Variants in SOAT1 observed in about 807,000 individuals in gnomAD.
SOAT1 encodes sterol O-acyltransferase 1.
In SOAT1, 55 loss-of-function variants were observed where a neutral mutation model predicts 69.5. The observed-to-expected ratio is 0.79, with a 90% CI of 0.64 to 0.99. The LOEUF is 0.99. Among genes scored for constraint, SOAT1 ranks in the 50% least tolerant of loss-of-function variants. The pLI, the probability that SOAT1 is intolerant of heterozygous loss-of-function variation, is 0.00. For synonymous variants in SOAT1, 231 were observed against 224.7 expected (o/e 1.03, Z -0.25); for missense variants, 580 against 669.3 (o/e 0.87, Z 1.47).
chr1:179,339,539 A>G lies in SOAT1; in HGVS notation c.491A>G (p.Glu164Gly). 6.3e-7 allele frequency: 1 copy of G among 1,597,226 alleles called. No individual in the cohort carries two copies. Among genetic ancestry groups the G allele is most frequent in the Non-Finnish European group, 8.5e-7 (1 of 1,169,952 alleles). Residue 164 changes from glutamate (E) to glycine (G), a missense_variant, in exon 6 of 16, where the codon GAA becomes GGA. Glu to Gly is a moderately conservative substitution (Grantham distance 98). Transcript: ENST00000367619. Reference sequence around the variant, plus strand: ...ACACTTGTAGTAGATTACATTGATGAAGGAAGGTAAGACAACAAAAAAGAT... The same window carrying G: ...ACACTTGTAGTAGATTACATTGATGGAGGAAGGTAAGACAACAAAAAAGAT... The part of the protein sequence containing the change: ...LSTLVVDYID[E>G]GRLVLEFSLL...
chr1:179,300,257 C>G (rs1432374256), intron 1 of SOAT1, among the ~76,000 whole-genome samples: 2 of 151,716 alleles, frequency 1.3e-5, no homozygotes, highest in African/African-American at 4.8e-5. Context: ...TCTTTTTCTT[C>G]CCTGATTTCC....
rs2125002706 is a variant in SOAT1 at position 179,348,944 on chromosome 1, T to C, written c.1314+2T>C. ...TATGCTTACAAGGACTTTCTCTGGGTAAGTAGCAAGGTTTAAGTTGATATT... is the reference window on the plus strand; with the variant it reads ...TATGCTTACAAGGACTTTCTCTGGGCAAGTAGCAAGGTTTAAGTTGATATT... On this transcript the variant is annotated splice_donor_variant, in intron 13 of 15. Coordinates refer to ENST00000367619, the MANE Select transcript of SOAT1 (RefSeq NM_003101.6). LOFTEE classifies it high-confidence loss of function. The C allele has an allele frequency of 6.7e-7, 1 of 1,502,168 alleles. No individual in the cohort carries two copies. The highest frequency in any genetic ancestry group is 1.1e-5 in the South Asian group (1 of 88,848). The allele number at this position is 1,502,168 out of a possible 1,614,324, so 93.1% of individuals were successfully genotyped here.
intron 1 of SOAT1, among the ~76,000 whole-genome samples, chr1:179,297,927 A>G (rs56401946): frequency 0.012 from 1,856 of 150,214 alleles, 15 homozygotes; most frequent in Non-Finnish European, 0.018. Context: ...GCTTGAATCC[A>G]GGAGGCGGAG....
At chr1:179,350,912 T>TA (rs1255992305) in intron 14 of SOAT1, among the ~76,000 whole-genome samples, 1 of 151,686 alleles carries the variant, frequency 6.6e-6, no homozygotes, top group African/African-American at 2.4e-5. Flanking sequence ...GTGACCAGAA[T>TA]AAAAAAATAT....
Position 179,350,423 on chromosome 1 carries a change from TC to T in SOAT1, c.1443del (p.Phe482LeufsTer21), listed in dbSNP as rs772807645. The T allele has an allele frequency of 8.1e-6, 13 of 1,613,692 alleles. No individual in the cohort carries two copies. Among genetic ancestry groups the T allele is most frequent in the Non-Finnish European group, 1.1e-5 (13 of 1,179,948 alleles). On this transcript the variant is annotated frameshift_variant, in exon 14 of 16. Transcript: ENST00000367619. LOFTEE classifies it high-confidence loss of function. ...CCCGTGCTCTTCGTGCTCTTCATGT[TC>T]TTTGGAAGTAAGTATCTTGGTATGC... ...FYPVLFVLFM[F>X]FGMAFNFIVN...
chr1:179,336,528 C>T (rs1460716907), intron 4 of SOAT1, among the ~76,000 whole-genome samples: 1 of 150,574 alleles, frequency 6.6e-6, no homozygotes, highest in Non-Finnish European at 1.5e-5. Flanking sequence ...CCAACACTTG[C>T]TGAGTGCTCT....
chr1:179,342,340 T>C (rs1666369116), intron 8 of SOAT1, 148 bp downstream of exon 8: 2 of 556,642 alleles, frequency 3.6e-6, no homozygotes, highest in East Asian at 2.9e-5. Flanking sequence ...TCTCTCTCTT[T>C]TTCTTTTCTT....
chr1:179,296,747 T>G (rs1664661689), intron 1 of SOAT1, among the ~76,000 whole-genome samples: 1 of 152,228 alleles, frequency 6.6e-6, no homozygotes, highest in African/African-American at 2.4e-5. Flanking sequence ...GTTCTTTACC[T>G]GGAGTAGGCA....
intron 11 of SOAT1, among the ~76,000 whole-genome samples, chr1:179,345,488 C>A (rs6425534): frequency 0.46 from 69,472 of 151,920 alleles, 15,992 homozygotes; most frequent in Non-Finnish European, 0.5. Context: ...TGTACTTTAC[C>A]CCTTATCCAA....
At chr1:179,315,437 C>G (rs1024149795) in intron 2 of SOAT1, among the ~76,000 whole-genome samples, 39 of 151,690 alleles carry the variant, frequency 2.6e-4, no homozygotes, top group African/African-American at 8.7e-4. Context: ...GCCACTGCCC[C>G]CTAGCCTGAG....
intron 3 of SOAT1, among the ~76,000 whole-genome samples, chr1:179,330,872 G>A (rs537430766): frequency 6.6e-6 from 1 of 152,294 alleles, no homozygotes; most frequent in African/African-American, 2.4e-5. Flanking sequence ...GAAATTTTCT[G>A]TGGACTTTGA....
intron 5 of SOAT1, 45 bp downstream of exon 5, chr1:179,337,941 A>C (rs1439826850): frequency 2.2e-6 from 3 of 1,365,344 alleles, no homozygotes; most frequent in Non-Finnish European, 3.0e-6. Flanking sequence ...TTTTTAAAAA[A>C]CTATTCTGAT....
intron 3 of SOAT1, among the ~76,000 whole-genome samples, chr1:179,329,455 G>C (rs537189460): frequency 6.6e-6 from 1 of 152,246 alleles, no homozygotes; most frequent in African/African-American, 2.4e-5. Flanking sequence ...TCCGGTCATG[G>C]TAGCTCACGC....
In SOAT1 at chr1:179,358,351, C is replaced by CTT. The variant is rs1666974331; in HGVS notation, c.*4712_*4713dup. On this transcript the variant is annotated 3_prime_UTR_variant, in exon 16 of 16. Coordinates refer to ENST00000367619, the MANE Select transcript of SOAT1 (RefSeq NM_003101.6). Reference sequence around the variant, plus strand: ...CAATAAGCCCTAATGGAGTGATAAACTTTAAGCTAGTAGATACTGCACCAT... The same window carrying CTT: ...CAATAAGCCCTAATGGAGTGATAAACTTTTTAAGCTAGTAGATACTGCACCAT... The CTT allele has an allele frequency of 6.6e-6, 1 of 152,112 alleles. No homozygotes were observed. Among genetic ancestry groups the CTT allele is most frequent in the Non-Finnish European group, 1.5e-5 (1 of 68,024 alleles). The allele number at this position is 152,112 out of a possible 1,614,324, so 9.4% of individuals were successfully genotyped here.
At chr1:179,335,377 T>G in intron 3 of SOAT1, 129 bp from the exon 4 acceptor site, 1 of 760,100 alleles carries the variant, frequency 1.3e-6, no homozygotes, top group Non-Finnish European at 2.1e-6. Flanking sequence ...GATTTTTTGC[T>G]TTTACTCCTG....
chr1:179,326,812 G>A (rs1665810959), intron 3 of SOAT1, among the ~76,000 whole-genome samples: 1 of 151,902 alleles, frequency 6.6e-6, no homozygotes, highest in African/African-American at 2.4e-5. Flanking sequence ...ACCCCACCTC[G>A]GCCTCCCAAA....
intron 6 of SOAT1, among the ~76,000 whole-genome samples, chr1:179,340,548 T>G (rs543068450): frequency 6.6e-6 from 1 of 152,178 alleles, no homozygotes; most frequent in Non-Finnish European, 1.5e-5. Context: ...GATTGAATTA[T>G]GTACTTTTTT....
Position 179,339,467 on chromosome 1 carries a change from C to CA in SOAT1, c.421dup (p.Ile141AsnfsTer23). Reference sequence around the variant, plus strand: ...CTGCTTGAAGTGGACCACATCAGAACAATATATCACATGTTTATTGCCCTC... The same window carrying CA: ...CTGCTTGAAGTGGACCACATCAGAACAAATATATCACATGTTTATTGCCCTC... On this transcript the variant is annotated frameshift_variant, in exon 6 of 16. Transcript: ENST00000367619. LOFTEE classifies it high-confidence loss of function. 6.2e-7 allele frequency: 1 copy of CA among 1,612,420 alleles called. No homozygotes were observed. Among genetic ancestry groups the CA allele is most frequent in the Non-Finnish European group, 8.5e-7 (1 of 1,179,216 alleles).
At chr1:179,352,770 TC>T (rs1666779481) in intron 15 of SOAT1, among the ~76,000 whole-genome samples, 1 of 151,558 alleles carries the variant, frequency 6.6e-6, no homozygotes, top group Admixed American at 6.6e-5. Flanking sequence ...CTCCAAAGCT[TC>T]CCCTCTTTCT....
Sources: allele counts gnomAD v4.1 joint callset (sites outside exome capture counted in the v4.1 genomes callset), GRCh38; gene constraint gnomAD v4.1.1; transcripts MANE v1.5; gene names NCBI Gene and HGNC (gene_info 2026-07-23, HGNC 2026-07-21).